The following STAT3 variants were observed in gnomAD, a reference collection of about 807,000 sequenced individuals.
STAT3 encodes signal transducer and activator of transcription 3, also known as DNA-binding protein APRF.
STAT3 carries 7 observed loss-of-function variants against 114.3 expected under a neutral mutation model. The observed-to-expected ratio is 0.06, with a 90% CI of 0.03 to 0.11. The LOEUF (loss-of-function observed/expected upper bound fraction) is 0.11. Among genes scored for constraint, STAT3 ranks in the 10% least tolerant of loss-of-function variants. The pLI, the probability that STAT3 is intolerant of heterozygous loss-of-function variation, is 1.00. For missense variants in STAT3, 364 were observed against 960.9 expected (o/e 0.38, Z 8.21); for synonymous variants, 331 against 354.5 (o/e 0.93, Z 0.74).
chr17:42,386,956 A>G (rs1318129008), intron 1 of STAT3: 1 of 152,210 alleles, frequency 6.6e-6, no homozygotes, highest in Non-Finnish European at 1.5e-5. Flanking sequence ...ACACAGACAT[A>G]TTTAATATAA....
intron 1 of STAT3, among the ~76,000 whole-genome samples, chr17:42,360,172 T>C (rs926588759): frequency 1.3e-5 from 2 of 152,016 alleles, no homozygotes; most frequent in South Asian, 4.2e-4. Context: ...GGAATGTCTG[T>C]TCTTCACCAC....
intron 4 of STAT3, among the ~76,000 whole-genome samples, chr17:42,340,521 ATTTT>A (rs113949150): frequency 7.0e-6 from 1 of 143,256 alleles, no homozygotes; most frequent in Non-Finnish European, 1.6e-5. Flanking sequence ...AAAAAAAAAA[ATTTT>A]TTTTTAACTA....
At chr17:42,382,065 C>G (rs183455181) in intron 1 of STAT3, among the ~76,000 whole-genome samples, 266 of 152,256 alleles carry the variant, frequency 1.7e-3, no homozygotes, top group African/African-American at 5.8e-3. Flanking sequence ...CTGTTTTAAG[C>G]CTCTGCACCC....
At chr17:42,344,929 T>C (rs933415995) in intron 4 of STAT3, among the ~76,000 whole-genome samples, 2 of 151,818 alleles carry the variant, frequency 1.3e-5, no homozygotes, top group Non-Finnish European at 2.9e-5. Context: ...TCCTATACTT[T>C]GGAAAAGTTT....
At chr17:42,372,917 C>G (rs887079518) in intron 1 of STAT3, among the ~76,000 whole-genome samples, 1 of 152,056 alleles carries the variant, frequency 6.6e-6, no homozygotes, top group East Asian at 1.9e-4. Context: ...AATAATGTAT[C>G]GAGTTGGTTC....
intron 1 of STAT3, among the ~76,000 whole-genome samples, chr17:42,360,598 T>G (rs2083463659): frequency 6.6e-6 from 1 of 151,678 alleles, no homozygotes; most frequent in Admixed American, 6.6e-5. Flanking sequence ...GAGCCAAGAT[T>G]GTGTCATTGC....
chr17:42,329,720 A>C (rs1258594710), intron 12 of STAT3, 27 bp downstream of exon 12: 1 of 1,614,186 alleles, frequency 6.2e-7, no homozygotes, highest in Non-Finnish European at 8.5e-7. Context: ...TAAACGGAAC[A>C]AAAGGAAGCC....
At chr17:42,364,803 C>T (rs544447852) in intron 1 of STAT3, among the ~76,000 whole-genome samples, 8 of 152,248 alleles carry the variant, frequency 5.3e-5, no homozygotes, top group African/African-American at 1.9e-4. Context: ...ATTTCTGAGT[C>T]TCAAAGTCAT....
chr17:42,358,585 A>G (rs1288280213), intron 1 of STAT3, among the ~76,000 whole-genome samples: 1 of 152,228 alleles, frequency 6.6e-6, no homozygotes, highest in Non-Finnish European at 1.5e-5. Context: ...TTTGTGCATC[A>G]GATGACCTCC....
At chr17:42,344,754 A>C (rs1567727997) in intron 4 of STAT3, among the ~76,000 whole-genome samples, 2 of 150,130 alleles carry the variant, frequency 1.3e-5, no homozygotes, top group Non-Finnish European at 3.0e-5. Context: ...GTCTCGCTAC[A>C]TTGCCCCAGC....
intron 4 of STAT3, among the ~76,000 whole-genome samples, chr17:42,339,659 A>T (rs1446228786): frequency 6.6e-6 from 1 of 152,154 alleles, no homozygotes; most frequent in Non-Finnish European, 1.5e-5. Flanking sequence ...ATGCCTTCAA[A>T]AACCTCATGG....
intron 4 of STAT3, among the ~76,000 whole-genome samples, chr17:42,344,826 T>C (rs951161844): frequency 6.6e-6 from 1 of 151,356 alleles, no homozygotes; most frequent in East Asian, 2.0e-4. Context: ...GTGCTGGGAT[T>C]ACAGGCGTGA....
intron 1 of STAT3, among the ~76,000 whole-genome samples, chr17:42,380,198 G>A (rs1306335758): frequency 2.0e-5 from 3 of 151,686 alleles, no homozygotes; most frequent in Non-Finnish European, 4.4e-5. Context: ...CACCACAACA[G>A]GCTAAATTTT....
chr17:42,384,123 TATTTATTTA>T (rs2084950591), intron 1 of STAT3, among the ~76,000 whole-genome samples: 1 of 82,726 alleles, frequency 1.2e-5, no homozygotes, highest in Non-Finnish European at 2.6e-5. Flanking sequence ...TTTATTTATT[TATTTATTTA>T]TTTTTTTTTT....
At chr17:42,379,034 C>A (rs564561500) in intron 1 of STAT3, among the ~76,000 whole-genome samples, 5 of 152,066 alleles carry the variant, frequency 3.3e-5, no homozygotes, top group African/African-American at 7.2e-5. Flanking sequence ...TCAAACAAAG[C>A]GGGAAACAGG....
Position 42,346,731 on chromosome 17 carries a change from G to A in STAT3, c.129-18C>T, listed in dbSNP as rs920954531. ...CATATGCCCTAGGAAAAGGAAGAATGATAAAGAATGGCTCTGAAGCCGACG... is the reference window on the plus strand; with the variant it reads ...CATATGCCCTAGGAAAAGGAAGAATAATAAAGAATGGCTCTGAAGCCGACG... On this transcript the variant is annotated intron_variant, in intron 2 of 23. Transcript: ENST00000264657. The A allele has an allele frequency of 1.2e-6, 2 of 1,613,890 alleles. No individual in the cohort carries two copies. The highest frequency in any genetic ancestry group is 1.3e-5 in the African/African-American group (1 of 74,900).
At chr17:42,380,586 A>C (rs972673316) in intron 1 of STAT3, among the ~76,000 whole-genome samples, 3 of 150,798 alleles carry the variant, frequency 2.0e-5, no homozygotes, top group African/African-American at 7.3e-5. Context: ...GGGGGGTCTC[A>C]CTCTGTTGGG....
chr17:42,334,030 A>G lies in STAT3; in HGVS notation c.817T>C (p.Ser273Pro), dbSNP rs745393806. Residue 273 changes from serine (S) to proline (P), a missense_variant, in exon 9 of 24, where the codon TCT becomes CCT. Ser to Pro is a moderately conservative substitution (Grantham distance 74). Around this residue, in one of 5 missense-constraint regions of STAT3, gnomAD observed 294 missense variants for 745.1 expected, o/e 0.39. Coordinates refer to ENST00000264657, the MANE Select transcript of STAT3 (RefSeq NM_139276.3). Reference protein sequence around the residue: ...LENWITSLAESQLQTRQQIKK... With the variant: ...LENWITSLAEPQLQTRQQIKK... The stretch of plus-strand genomic sequence containing the variant: ...ATTTGTTGACGGGTCTGAAGTTGAG[A>G]TTCTGCTAATGACGTTATCCTGCCA... The G allele has an allele frequency of 6.2e-7, 1 of 1,614,166 alleles. No individual in the cohort carries two copies. The highest frequency in any genetic ancestry group is 8.5e-7 in the Non-Finnish European group (1 of 1,180,044).
intron 11 of STAT3, among the ~76,000 whole-genome samples, chr17:42,330,497 T>C (rs989961870): frequency 2.0e-5 from 3 of 150,178 alleles, no homozygotes; most frequent in African/African-American, 7.4e-5. Context: ...GGTGTGATCT[T>C]GGCTCACTGC....
Sources: gnomAD v4.1 joint callset for allele counts (sites outside exome capture counted in the v4.1 genomes callset) on GRCh38, gnomAD v4.1.1 for gene constraint, gnomAD v4.1.1 regional missense constraint, MANE v1.5 for transcripts, NCBI Gene and HGNC (gene_info 2026-07-23, HGNC 2026-07-21) for gene names.